Variants in NLGN1 observed in about 807,000 individuals in gnomAD.
The protein encoded by NLGN1 is neuroligin-1.
A neutral mutation model predicts 65.5 loss-of-function variants in NLGN1; 12 were observed. The observed-to-expected ratio is 0.18, with a 90% CI of 0.12 to 0.30. NLGN1 has a LOEUF of 0.30. Ranked by LOEUF, NLGN1 falls within the 10% of genes least tolerant of loss-of-function variation. The probability of loss-of-function intolerance (pLI) is 1.00; values close to 1 mark genes in which losing one functional copy is unlikely to be tolerated. For missense variants in NLGN1, 750 were observed against 1,007.1 expected (o/e 0.74, Z 3.46); for synonymous variants, 350 against 359.5 (o/e 0.97, Z 0.30).
chr3:173,443,686 A>G (rs1158571232), intron 2 of NLGN1, among the ~76,000 whole-genome samples: 1 of 152,210 alleles, frequency 6.6e-6, no homozygotes, highest in Non-Finnish European at 1.5e-5. Flanking sequence ...AAAAACGTGT[A>G]AACATTACGC....
chr3:173,837,076 T>C (rs1462213391), intron 4 of NLGN1, among the ~76,000 whole-genome samples: 1 of 152,150 alleles, frequency 6.6e-6, no homozygotes. Flanking sequence ...TTCAGATCCC[T>C]TTTACATATT....
intron 4 of NLGN1, among the ~76,000 whole-genome samples, chr3:173,826,116 A>G (rs999759063): frequency 6.6e-6 from 1 of 152,052 alleles, no homozygotes; most frequent in Admixed American, 6.6e-5. Context: ...GATAGGCAAC[A>G]TTCTGCTGCA....
At chr3:174,108,922 CTA>C (rs1441024441) in intron 4 of NLGN1, among the ~76,000 whole-genome samples, 1 of 151,888 alleles carries the variant, frequency 6.6e-6, no homozygotes, top group Non-Finnish European at 1.5e-5. Flanking sequence ...TGTTCTCTCT[CTA>C]TGTGTGTGTG....
chr3:173,446,175 A>G (rs1463681230), intron 2 of NLGN1, among the ~76,000 whole-genome samples: 4 of 151,584 alleles, frequency 2.6e-5, no homozygotes, highest in Admixed American at 2.6e-4. Flanking sequence ...TCAACTTGTC[A>G]TTTAGCATTA....
chr3:173,944,702 C>T (rs1267903840), intron 4 of NLGN1, among the ~76,000 whole-genome samples: 1 of 152,150 alleles, frequency 6.6e-6, no homozygotes, highest in Non-Finnish European at 1.5e-5. Flanking sequence ...TTTACTTTTT[C>T]CCATCATGCC....
chr3:174,127,703 AG>A (rs1719253807), intron 4 of NLGN1, among the ~76,000 whole-genome samples: 1 of 152,152 alleles, frequency 6.6e-6, no homozygotes, highest in Non-Finnish European at 1.5e-5. Context: ...GCTTGAGTTG[AG>A]TGTAATAACA....
Position 174,073,678 on chromosome 3 carries a change from C to T in NLGN1, c.647-201637C>T, listed in dbSNP as rs117057356. On this transcript the variant is annotated intron_variant, in intron 4 of 6. Coordinates refer to ENST00000457714, the Ensembl canonical transcript of NLGN1. ...GTTGAAAGTATCACAGTTCTAAATT[C>T]GTGCTAATCAGAAGCTCAGATTAAT... 1.3e-4 allele frequency among the ~76,000 whole-genome samples: 20 copies of T among 152,210 alleles called. No homozygotes were observed. In the East Asian group the frequency reaches 2.9e-3, roughly 22 times the overall value.
chr3:173,405,961 A>G (rs1255484754), intron 1 of NLGN1, among the ~76,000 whole-genome samples: 1 of 152,178 alleles, frequency 6.6e-6, no homozygotes, highest in African/African-American at 2.4e-5. Flanking sequence ...TTAGTATGAT[A>G]TAAATACATA....
intron 4 of NLGN1, among the ~76,000 whole-genome samples, chr3:174,211,459 G>A (rs1040719504): frequency 6.6e-6 from 1 of 151,886 alleles, no homozygotes; most frequent in Non-Finnish European, 1.5e-5. Context: ...ACAGAGTGTC[G>A]GTTGTTGCAT....
chr3:173,515,234 T>C (rs1733631694), intron 2 of NLGN1, among the ~76,000 whole-genome samples: 1 of 152,154 alleles, frequency 6.6e-6, no homozygotes, highest in Non-Finnish European at 1.5e-5. Context: ...TTTTGACTTG[T>C]ATTTCCTCAA....
At chr3:173,985,325 T>A (rs1438367763) in intron 4 of NLGN1, among the ~76,000 whole-genome samples, 2 of 152,158 alleles carry the variant, frequency 1.3e-5, no homozygotes, top group Non-Finnish European at 2.9e-5. Context: ...GATCAACCCC[T>A]TTTTATTAGA....
Position 173,899,696 on chromosome 3 carries a change from A to G in NLGN1, c.646+91864A>G, listed in dbSNP as rs576139369. 4.0e-4 allele frequency among the ~76,000 whole-genome samples: 61 copies of G among 152,262 alleles called. 1 individual carries two copies. The highest frequency in any genetic ancestry group is 3.9e-3 in the South Asian group (19 of 4,826). ...TCACCCATTCTTTTACGTGTCATCT[A>G]TGCTGCCTTCAGGCCACAAAAGCTG... is the stretch of plus-strand genomic sequence containing the variant. On this transcript the variant is annotated intron_variant, in intron 4 of 6. Coordinates refer to ENST00000457714, the Ensembl canonical transcript of NLGN1.
chr3:173,535,165 C>A (rs1248301089), intron 2 of NLGN1, among the ~76,000 whole-genome samples: 11 of 152,028 alleles, frequency 7.2e-5, no homozygotes, highest in Non-Finnish European at 1.5e-4. Context: ...ATGGTTAGTC[C>A]ACAAGGATAC....
chr3:174,246,448 C>G (rs572730027), intron 4 of NLGN1, among the ~76,000 whole-genome samples: 1 of 152,272 alleles, frequency 6.6e-6, no homozygotes, highest in Admixed American at 6.5e-5. Flanking sequence ...GAGACAGGTT[C>G]TCACTCTGTC....
chr3:173,792,913 G>A (rs2150371955), intron 3 of NLGN1, among the ~76,000 whole-genome samples: 1 of 152,184 alleles, frequency 6.6e-6, no homozygotes, highest in South Asian at 2.1e-4. Flanking sequence ...CAAAACTAGT[G>A]TTAAACCATA....
intron 4 of NLGN1, among the ~76,000 whole-genome samples, chr3:174,176,453 C>T (rs1729464377): frequency 6.6e-6 from 1 of 151,940 alleles, no homozygotes; most frequent in African/African-American, 2.4e-5. Context: ...TGCAACAGAA[C>T]TTTGCATTTA....
chr3:173,668,069 T>C (rs1215917569), intron 3 of NLGN1, among the ~76,000 whole-genome samples: 2 of 152,228 alleles, frequency 1.3e-5, no homozygotes, highest in African/African-American at 2.4e-5. Flanking sequence ...ACAATGTGAT[T>C]TCCTTAAGAA....
intron 4 of NLGN1, among the ~76,000 whole-genome samples, chr3:174,252,267 A>G (rs1216021909): frequency 6.6e-6 from 1 of 152,180 alleles, no homozygotes; most frequent in Non-Finnish European, 1.5e-5. Context: ...AGTCTGGAGG[A>G]AAGGGCAACA....
At chr3:173,843,477 G>A (rs1261260101) in intron 4 of NLGN1, among the ~76,000 whole-genome samples, 2 of 152,096 alleles carry the variant, frequency 1.3e-5, no homozygotes, top group Non-Finnish European at 2.9e-5. Context: ...AAAACTGAAT[G>A]CCTTTAATAG....
Sources: gnomAD v4.1 joint callset for allele counts (sites outside exome capture counted in the v4.1 genomes callset) on GRCh38, gnomAD v4.1.1 for gene constraint, MANE v1.5 for transcripts, NCBI Gene and HGNC (gene_info 2026-07-23, HGNC 2026-07-21) for gene names.